The following BICD2 variants were observed in gnomAD, a reference collection of about 807,000 sequenced individuals.
The protein encoded by BICD2 is BICD cargo adaptor 2.
BICD2 carries 25 observed loss-of-function variants against 72.9 expected under a neutral mutation model. The ratio of observed to expected loss-of-function variants is 0.34; its 90% CI spans 0.25 to 0.48. The LOEUF is 0.48. Among genes scored for constraint, BICD2 ranks in the 20% least tolerant of loss-of-function variants. The probability of loss-of-function intolerance (pLI) is 0.99; values close to 1 mark genes in which losing one functional copy is unlikely to be tolerated. For missense variants in BICD2, 894 were observed against 1,175.2 expected (o/e 0.76, Z 3.50); for synonymous variants, 501 against 516.1 (o/e 0.97, Z 0.40).
chr9:92,722,520 G>A (rs1478338555), intron 3 of BICD2, 136 bp downstream of exon 3: 10 of 1,164,084 alleles, frequency 8.6e-6, no homozygotes, highest in Middle Eastern at 2.9e-4. Context: ...CCTCCACAGT[G>A]GTAAAGCTGG....
At position 92,714,035 on chromosome 9, in the gene BICD2, G is replaced by C. The variant is rs1370440726; in HGVS notation, c.*1119C>G. ...ATGTGGGAAGGCAGGTGTGGATGGA[G>C]CCTCTGGAAATGGGAGAACCCTACA... On this transcript the variant is annotated 3_prime_UTR_variant, in exon 7 of 7. Coordinates refer to ENST00000356884, the MANE Select transcript of BICD2 (RefSeq NM_001003800.2). 2.0e-6 allele frequency: 2 copies of C among 986,070 alleles called. No homozygotes were observed. The highest frequency in any genetic ancestry group is 3.5e-5 in the African/African-American group (2 of 57,254). 61.1% of individuals were successfully genotyped at this position (986,070 alleles called of 1,614,324 possible).
At chr9:92,738,038 T>G (rs1853823768) in intron 1 of BICD2, among the ~76,000 whole-genome samples, 1 of 152,344 alleles carries the variant, frequency 6.6e-6, no homozygotes. Flanking sequence ...CCCACTGCCC[T>G]GCCCACTTCC....
chr9:92,724,119 G>C (rs1285594999), intron 2 of BICD2, among the ~76,000 whole-genome samples: 2 of 152,112 alleles, frequency 1.3e-5, no homozygotes, highest in Non-Finnish European at 2.9e-5. Flanking sequence ...TGGCTCCCCA[G>C]ACCATCACCA....
chr9:92,718,429 G>A (rs1367553597), intron 5 of BICD2, 110 bp downstream of exon 5: 1 of 1,304,546 alleles, frequency 7.7e-7, no homozygotes, highest in African/African-American at 1.5e-5. Context: ...TCTGTCTGGT[G>A]GTGACGCAGG....
intron 1 of BICD2, among the ~76,000 whole-genome samples, chr9:92,742,999 T>C (rs1587684405): frequency 6.6e-6 from 1 of 152,258 alleles, no homozygotes; most frequent in Non-Finnish European, 1.5e-5. Context: ...TAGGCTATTA[T>C]AAGTGGAACT....
chr9:92,734,598 C>T (rs1008267053), intron 1 of BICD2, among the ~76,000 whole-genome samples: 3 of 151,998 alleles, frequency 2.0e-5, no homozygotes, highest in Non-Finnish European at 4.4e-5. Flanking sequence ...CCTCCTCCCC[C>T]TCCCACAGGC....
chr9:92,718,913 G>A lies in BICD2; in HGVS notation c.1732C>T (p.Arg578Cys), dbSNP rs541558181. The change falls in exon 5 of 7, where the codon CGT becomes TGT. Residue 578 changes from arginine to cysteine, a missense_variant. By Grantham distance (180) the Arg-to-Cys change is radical. Coordinates refer to ENST00000356884, the MANE Select transcript of BICD2 (RefSeq NM_001003800.2). ...SPGGRTSPEA[R>C]GRRSPILLPK... ...AGGAGGATGGGTGAGCGCCGGCCAC[G>A]CGCCTCGGGGCTGGTGCGGCCCCCG... 6.9e-6 allele frequency: 11 copies of A among 1,604,036 alleles called. No homozygotes were observed. Among genetic ancestry groups the A allele is most frequent in the South Asian group, 5.5e-5 (5 of 90,620 alleles).
Position 92,715,306 on chromosome 9 carries a change from T to C in BICD2, c.2416A>G (p.Thr806Ala), listed in dbSNP as rs746003524. 6.2e-7 allele frequency: 1 copy of C among 1,612,664 alleles called. No homozygotes were observed. The highest frequency in any genetic ancestry group is 8.5e-7 in the Non-Finnish European group (1 of 1,179,842). Reference protein sequence around the residue: ...LELLELDHEQTRRGRAKAAPK... With the variant: ...LELLELDHEQARRGRAKAAPK... ...GCGGCTTTGGCACGGCCACGCCGGGTCTGCTCATGGTCCAGCTCGAGCAGC... is the reference window on the plus strand; with the variant it reads ...GCGGCTTTGGCACGGCCACGCCGGGCCTGCTCATGGTCCAGCTCGAGCAGC... Residue 806 changes from threonine (T) to alanine (A), a missense_variant, in exon 7 of 7, where the codon ACC (threonine) becomes GCC (alanine). Coordinates refer to ENST00000356884, the MANE Select transcript of BICD2 (RefSeq NM_001003800.2).
chr9:92,758,560 A>AAAG (rs1854310190), intron 1 of BICD2, among the ~76,000 whole-genome samples: 1 of 139,388 alleles, frequency 7.2e-6, no homozygotes, highest in Admixed American at 7.3e-5. Context: ...TCAAAAAAAA[A>AAAG]AAAAAAAAGG....
intron 1 of BICD2, among the ~76,000 whole-genome samples, chr9:92,732,087 T>C (rs1176860860): frequency 6.6e-6 from 1 of 152,140 alleles, no homozygotes; most frequent in East Asian, 1.9e-4. Context: ...CTGGCTGGCA[T>C]CCCGTCACTT....
chr9:92,716,285 C>T (rs907958832), intron 6 of BICD2, among the ~76,000 whole-genome samples: 11 of 152,146 alleles, frequency 7.2e-5, no homozygotes, highest in African/African-American at 2.7e-4. Context: ...AGCTGTGATC[C>T]CTGCAGATTC....
In BICD2 at chr9:92,713,479, G is replaced by A; in HGVS notation, c.*1675C>T. The A allele has an allele frequency of 6.3e-7, 1 of 1,588,368 alleles. No individual in the cohort carries two copies. The highest frequency in any genetic ancestry group is 1.1e-5 in the South Asian group (1 of 87,336). ...CTCTACAGCTGAAAACGGGAGAAAA[G>A]AGAGCGTTAGAAAGCGGTCATCTGT... On this transcript the variant is annotated 3_prime_UTR_variant, in exon 7 of 7. Transcript: ENST00000356884.
At chr9:92,731,761 G>A (rs1853684074) in intron 1 of BICD2, among the ~76,000 whole-genome samples, 3 of 152,202 alleles carry the variant, frequency 2.0e-5, no homozygotes. Context: ...GGACCAGGGA[G>A]CACAGAGCTG....
chr9:92,758,304 C>A (rs1021853451), intron 1 of BICD2, among the ~76,000 whole-genome samples: 88 of 151,924 alleles, frequency 5.8e-4, no homozygotes, highest in African/African-American at 1.9e-3. Context: ...GTAATCCCAG[C>A]ACTTTGGGAG....
Position 92,713,380 on chromosome 9 carries a change from T to G in BICD2, c.*1774A>C. The G allele has an allele frequency of 6.6e-7, 1 of 1,504,114 alleles. No individual in the cohort carries two copies. The highest frequency in any genetic ancestry group is 1.2e-5 in the South Asian group (1 of 83,710). 93.2% of individuals were successfully genotyped at this position (1,504,114 alleles called of 1,614,324 possible). A position where few individuals can be genotyped will look rare whatever the true frequency, so the allele number is the denominator to read the frequency against. On this transcript the variant is annotated 3_prime_UTR_variant, in exon 7 of 7. Coordinates refer to ENST00000356884, the MANE Select transcript of BICD2 (RefSeq NM_001003800.2). The stretch of plus-strand genomic sequence containing the variant: ...CTTTTAGGTTGCCCTTCCTTCCTCC[T>G]TGTGGGCCACGAGAGGGAAGGGGAA...
chr9:92,746,584 G>A (rs944153556), intron 1 of BICD2, among the ~76,000 whole-genome samples: 2 of 150,856 alleles, frequency 1.3e-5, no homozygotes, highest in South Asian at 4.2e-4. Context: ...ACATGTCCAC[G>A]CCAAGTATGG....
Position 92,718,835 on chromosome 9 carries a change from C to T in BICD2, c.1810G>A (p.Asp604Asn). 6.2e-7 allele frequency: 1 copy of T among 1,610,186 alleles called. No homozygotes were observed. Residue 604 changes from aspartate to asparagine, a missense_variant, in exon 5 of 7, where the codon GAC becomes AAC. By Grantham distance (23) the Asp-to-Asn change is conservative (BLOSUM62 1). Transcript: ENST00000356884. ...EAGRADGGTGDSSPSPGSSLP... is the reference protein window; with the variant it reads ...EAGRADGGTGNSSPSPGSSLP... ...GAGGAGCCAGGCGAGGGGCTGCTGT[C>T]CCCCGTCCCACCATCTGCTCGGCCC...
At chr9:92,718,505 A>G (rs767906244) in intron 5 of BICD2, 34 bp downstream of exon 5, 2 of 1,581,388 alleles carry the variant, frequency 1.3e-6, no homozygotes, top group South Asian at 2.3e-5. Context: ...GGCCAGTAGT[A>G]GGTGACATGT....
At chr9:92,748,491 G>A (rs932649578) in intron 1 of BICD2, among the ~76,000 whole-genome samples, 2 of 152,110 alleles carry the variant, frequency 1.3e-5, no homozygotes, top group African/African-American at 4.8e-5. Context: ...TGGGGTACAA[G>A]CAGACTAGTC....
Sources: gnomAD v4.1 joint callset for allele counts (sites outside exome capture counted in the v4.1 genomes callset) on GRCh38, gnomAD v4.1.1 for gene constraint, MANE v1.5 for transcripts, NCBI Gene and HGNC (gene_info 2026-07-23, HGNC 2026-07-21) for gene names.